ZNF454: variants seen among roughly 807,000 people sequenced by gnomAD.
ZNF454 encodes zinc finger protein 454.
A neutral mutation model predicts 48.2 loss-of-function variants in ZNF454; 30 were observed. The ratio of observed to expected loss-of-function variants is 0.62; its 90% confidence interval spans 0.47 to 0.84. The LOEUF (loss-of-function observed/expected upper bound fraction) is 0.84. Among genes scored for constraint, ZNF454 ranks in the 40% least tolerant of loss-of-function variants. The pLI, the probability that ZNF454 is intolerant of heterozygous loss-of-function variation, is 0.00. For synonymous variants in ZNF454, 204 were observed against 211.4 expected (o/e 0.97, Z 0.30); for missense variants, 510 against 623.1 (o/e 0.82, Z 1.93).
At position 178,947,126 on chromosome 5, in the gene ZNF454, C is replaced by T. The variant is rs1759371241; in HGVS notation, c.250+140C>T. The T allele has an allele frequency of 4.4e-6, 3 of 687,904 alleles. No homozygotes were observed. In the East Asian group the frequency reaches 7.8e-5, roughly 18 times the overall value. 42.6% of individuals were successfully genotyped at this position (687,904 alleles called of 1,614,324 possible). A position where few individuals can be genotyped will look rare whatever the true frequency, so the allele number is the denominator to read the frequency against. ...GTTTCACATTCGTTCACCTGAATAC[C>T]TTGTTGCTACTTTTGTTCCAGCCTG... is the stretch of plus-strand genomic sequence containing the variant. On this transcript the variant is annotated intron_variant, in intron 4 of 4. Coordinates refer to ENST00000519564, the MANE Select transcript of ZNF454 (RefSeq NM_001178089.3).
intron 4 of ZNF454, among the ~76,000 whole-genome samples, chr5:178,949,301 C>G (rs1390866123): frequency 6.6e-6 from 1 of 152,124 alleles, no homozygotes; most frequent in Non-Finnish European, 1.5e-5. Flanking sequence ...ATCCGCCCCC[C>G]TCAGCCTCCC....
chr5:178,985,440 C>T, the ZNF454 span, among the ~76,000 whole-genome samples: 1 of 151,726 alleles, frequency 6.6e-6, no homozygotes, highest in Non-Finnish European at 1.5e-5. Flanking sequence ...GCAGCGGCTC[C>T]CGCCTGTCAT....
the ZNF454 span, chr5:178,989,424 G>A: frequency 1.2e-6 from 2 of 1,613,866 alleles, no homozygotes; most frequent in Non-Finnish European, 1.7e-6. Flanking sequence ...AGGGAAGAAG[G>A]GGGAGGGTGG....
chr5:178,976,398 G>A, the ZNF454 span, among the ~76,000 whole-genome samples: 1 of 152,168 alleles, frequency 6.6e-6, no homozygotes, highest in African/African-American at 2.4e-5. Context: ...TGTATCCCAG[G>A]TGCTTAGCAC....
intron 4 of ZNF454, among the ~76,000 whole-genome samples, chr5:178,963,820 G>A (rs574842122): frequency 1.4e-4 from 22 of 151,726 alleles, no homozygotes; most frequent in African/African-American, 2.9e-4. Context: ...CCTGTACAGC[G>A]GCCTAGCTTT....
In ZNF454 at chr5:178,947,186, G is replaced by A. The variant is rs1003210723; in HGVS notation, c.250+200G>A. On this transcript the variant is annotated intron_variant, in intron 4 of 4. Transcript: ENST00000519564. ...CATGTAGCAGGCCTGGACCCTCCCCGCAATGATTTTTCTTCTCTCCCTGTT... is the reference window on the plus strand; with the variant it reads ...CATGTAGCAGGCCTGGACCCTCCCCACAATGATTTTTCTTCTCTCCCTGTT... Among the ~76,000 whole-genome samples, 8 of 152,120 alleles carry A rather than the reference G, an allele frequency of 5.3e-5. No individual in the cohort carries two copies. The East Asian group carries it at 5.8e-4, about 11-fold the overall frequency.
the ZNF454 span, chr5:178,986,126 C>T: frequency 1.9e-6 from 3 of 1,612,312 alleles, no homozygotes; most frequent in East Asian, 2.2e-5. Flanking sequence ...GCCTACGGAC[C>T]CACCTGCAGG....
the ZNF454 span, chr5:178,986,320 G>C: frequency 1.2e-6 from 2 of 1,614,144 alleles, no homozygotes; most frequent in Non-Finnish European, 1.7e-6. Context: ...CGCGGCCCCA[G>C]GCTCAGCCAC....
chr5:178,982,549 C>G, the ZNF454 span, among the ~76,000 whole-genome samples: 1 of 124,524 alleles, frequency 8.0e-6, no homozygotes, highest in African/African-American at 3.2e-5. Flanking sequence ...TGCACTCCAG[C>G]CTGGGCAACA....
At chr5:178,952,377 C>T (rs981147596) in intron 4 of ZNF454, among the ~76,000 whole-genome samples, 1 of 152,216 alleles carries the variant, frequency 6.6e-6, no homozygotes, top group Non-Finnish European at 1.5e-5. Context: ...TTACTTTCTA[C>T]GACTTACACA....
Position 178,965,623 on chromosome 5 carries a change from A to C in ZNF454, c.1219A>C (p.Thr407Pro). 6.2e-7 allele frequency: 1 copy of C among 1,614,204 alleles called. No individual in the cohort carries two copies. Among genetic ancestry groups the C allele is most frequent in the Non-Finnish European group, 8.5e-7 (1 of 1,180,040 alleles). ...CTTTGCACGACATCGGAAAATTCAC[A>C]CTGGAGAGAAACCTTACAGATGTGG... is the stretch of plus-strand genomic sequence containing the variant. Reference protein sequence around the residue: ...SSFARHRKIHTGEKPYRCGLC... With the variant: ...SSFARHRKIHPGEKPYRCGLC... The change falls in exon 5 of 5, where the codon ACT becomes CCT. Residue 407 changes from threonine to proline, a missense_variant. This residue lies in a region of ZNF454 where 153 missense variants were observed against 195.8 expected (regional missense o/e 0.78). Transcript: ENST00000519564. This position sits in a 1 kb window ranked among gnomAD's most constrained non-coding sequence, Gnocchi z 5.2.
chr5:178,989,534 G>A, the ZNF454 span: 4 of 1,148,792 alleles, frequency 3.5e-6, no homozygotes, highest in East Asian at 4.7e-5. Context: ...AGGTGAACTA[G>A]GCATGGCCAG....
At chr5:178,970,982 C>G (rs527911600), downstream of ZNF454, among the ~76,000 whole-genome samples, 1 of 152,346 alleles carries the variant, frequency 6.6e-6, no homozygotes, top group African/African-American at 2.4e-5. Context: ...AGAGCTGTTT[C>G]CCATCACCGG....
chr5:178,971,076 C>A (rs1011055498), downstream of ZNF454, among the ~76,000 whole-genome samples: 4 of 152,252 alleles, frequency 2.6e-5, no homozygotes, highest in Non-Finnish European at 5.9e-5. Flanking sequence ...TTAATCCTCA[C>A]AATTGCATGA....
the ZNF454 span, chr5:178,986,401 G>A: frequency 2.5e-6 from 4 of 1,613,910 alleles, no homozygotes; most frequent in Middle Eastern, 1.7e-4. Flanking sequence ...TCGGCCCGAG[G>A]CCCGGACGAT....
chr5:178,980,478 C>T, the ZNF454 span: 388 of 154,512 alleles, frequency 2.5e-3, no homozygotes, highest in African/African-American at 8.9e-3. This position sits in a 1 kb window ranked among gnomAD's most constrained non-coding sequence, Gnocchi z 4.3. Context: ...ACCCTCACCA[C>T]GGCCATGACT....
At chr5:178,962,690 T>C (rs1158456169) in intron 4 of ZNF454, among the ~76,000 whole-genome samples, 1 of 151,826 alleles carries the variant, frequency 6.6e-6, no homozygotes, top group South Asian at 2.1e-4. Flanking sequence ...TCTACGGTTC[T>C]TTTTCTATTG....
At chr5:178,976,405 G>C in the ZNF454 span, among the ~76,000 whole-genome samples, 1 of 152,186 alleles carries the variant, frequency 6.6e-6, no homozygotes, top group African/African-American at 2.4e-5. Context: ...CAGGTGCTTA[G>C]CACAGAGTAA....
At chr5:178,948,121 G>A (rs1759409775) in intron 4 of ZNF454, 1 of 151,952 alleles carries the variant, frequency 6.6e-6, no homozygotes, top group South Asian at 2.1e-4. Context: ...CACCATGTTG[G>A]CCAGCATGGT....
Sources: gnomAD v4.1 joint callset for allele counts (sites outside exome capture counted in the v4.1 genomes callset) on GRCh38, gnomAD v4.1.1 for gene constraint, gnomAD v4.1.1 regional missense constraint, Gnocchi (gnomAD v3.1) non-coding constraint, MANE v1.5 for transcripts, NCBI Gene and HGNC (gene_info 2026-07-23, HGNC 2026-07-21) for gene names.